TTC7A: variants seen among roughly 807,000 people sequenced by gnomAD.
TTC7A encodes the protein tetratricopeptide repeat domain 7A, also known as tetratricopeptide repeat protein 7A.
A neutral mutation model predicts 103.7 loss-of-function variants in TTC7A; 110 were observed. That is an observed-to-expected ratio of 1.06 (90% CI 0.91 to 1.24). TTC7A has a LOEUF of 1.24. Among genes scored for constraint, TTC7A ranks in the 50% most tolerant of loss-of-function variants. TTC7A has a pLI of 0.00. For synonymous variants in TTC7A, 521 were observed against 467.9 expected (o/e 1.11, Z -1.47); for missense variants, 1,340 against 1,116.3 (o/e 1.20, Z -2.86).
At chr2:46,950,649 C>G in intron 2 of TTC7A, 123 bp downstream of exon 2, 1 of 1,054,778 alleles carries the variant, frequency 9.5e-7, no homozygotes, top group Non-Finnish European at 1.3e-6. Flanking sequence ...GCTGCCCTTG[C>G]ACTTACAGTA....
chr2:47,070,651 CAG>C (rs1008531603), intron 19 of TTC7A, among the ~76,000 whole-genome samples: 13 of 152,180 alleles, frequency 8.5e-5, no homozygotes, highest in African/African-American at 2.9e-4. Flanking sequence ...CCTGGGAGAG[CAG>C]AGTCTCGAGC....
At chr2:46,931,685 C>T (rs982105434) in intron 2 of TTC7A, among the ~76,000 whole-genome samples, 1 of 122,986 alleles carries the variant, frequency 8.1e-6, no homozygotes, top group Non-Finnish European at 1.6e-5. Context: ...AAAACAAAAA[C>T]AGACAATAAT....
intron 15 of TTC7A, chr2:47,034,166 G>A (rs539535358): frequency 5.9e-5 from 9 of 152,326 alleles, no homozygotes; most frequent in African/African-American, 1.9e-4. Flanking sequence ...AACCTCGCAC[G>A]GTGGGAACCA....
At position 47,051,787 on chromosome 2, in the gene TTC7A, G is replaced by T; in HGVS notation, c.2059G>T (p.Glu687Ter). The T allele has an allele frequency of 1.2e-6, 2 of 1,611,438 alleles. No homozygotes were observed. Among genetic ancestry groups the T allele is most frequent in the Non-Finnish European group, 1.7e-6 (2 of 1,179,612 alleles). The change falls in exon 18 of 20, where the codon GAG becomes TAG. Residue 687 changes from glutamate (E) to a stop codon, truncating the protein, a stop_gained. Transcript: ENST00000319190. LOFTEE classifies it high-confidence loss of function. ...ASSIAASRLE[E>*]AMSELTMPSS... ...GTCCATCGCCGCCTCCCGGCTGGAG[G>T]AGGCCATGTCAGAGCTGACTATGCC...
intron 18 of TTC7A, among the ~76,000 whole-genome samples, chr2:47,060,133 C>G (rs1683645118): frequency 6.6e-6 from 1 of 152,000 alleles, no homozygotes; most frequent in African/African-American, 2.4e-5. Context: ...CGCTTGTAAT[C>G]CTAGCATTTT....
intron 18 of TTC7A, among the ~76,000 whole-genome samples, chr2:47,053,547 G>GT (rs1553410727): frequency 0.087 from 6,306 of 72,120 alleles, 156 homozygotes; most frequent in African/African-American, 0.2. Flanking sequence ...TGTTTGTTTG[G>GT]TTGGTTGGTT....
chr2:46,934,787 C>CTTTTCTTTT (rs1669883537), intron 2 of TTC7A, among the ~76,000 whole-genome samples: 1 of 66,888 alleles, frequency 1.5e-5, no homozygotes, highest in African/African-American at 6.5e-5. Flanking sequence ...GACTACTGCT[C>CTTTTCTTTT]TTTTTTTTTT....
chr2:47,044,323 C>G (rs556892336), intron 15 of TTC7A, among the ~76,000 whole-genome samples: 1 of 152,332 alleles, frequency 6.6e-6, no homozygotes, highest in African/African-American at 2.4e-5. Flanking sequence ...ATTGTTGTCT[C>G]GAAGGCAGCC....
intron 2 of TTC7A, among the ~76,000 whole-genome samples, chr2:46,930,744 C>G (rs981634972): frequency 6.6e-6 from 1 of 152,104 alleles, no homozygotes; most frequent in African/African-American, 2.4e-5. Context: ...AGGTGATCCA[C>G]CCGCCTCAGC....
At chr2:47,000,014 T>G (rs927509438) in intron 8 of TTC7A, 22 of 580,050 alleles carry the variant, frequency 3.8e-5, no homozygotes, top group East Asian at 1.5e-4. Context: ...TGGTTGAGCT[T>G]CTTACCACCC....
At chr2:47,047,163 C>A in intron 16 of TTC7A, 1 of 687,496 alleles carries the variant, frequency 1.5e-6, no homozygotes, top group East Asian at 2.7e-5. Context: ...GTCAGGAGCC[C>A]TGCCTCTTCC....
chr2:46,999,046 C>T (rs1378942675), intron 8 of TTC7A, among the ~76,000 whole-genome samples: 1 of 152,154 alleles, frequency 6.6e-6, no homozygotes, highest in African/African-American at 2.4e-5. Context: ...CGATCACCGA[C>T]CCACTTTACC....
intron 15 of TTC7A, among the ~76,000 whole-genome samples, chr2:47,036,721 G>A (rs977572154): frequency 1.3e-5 from 2 of 152,204 alleles, no homozygotes; most frequent in African/African-American, 2.4e-5. Flanking sequence ...AACCAGGCGT[G>A]GTGGCACACA....
chr2:46,958,605 C>G (rs1672103387), intron 3 of TTC7A: 1 of 1,233,606 alleles, frequency 8.1e-7, no homozygotes, highest in Non-Finnish European at 1.1e-6. Flanking sequence ...GCTGTGCTAG[C>G]TCCCGTTCCC....
chr2:47,017,168 C>G (rs966295574), intron 11 of TTC7A, among the ~76,000 whole-genome samples: 1 of 144,182 alleles, frequency 6.9e-6, no homozygotes, highest in Non-Finnish European at 1.5e-5. Context: ...CCACTGCACT[C>G]CAGCCTGGGC....
At chr2:47,056,928 G>A (rs558823887) in intron 18 of TTC7A, among the ~76,000 whole-genome samples, 173 of 152,296 alleles carry the variant, frequency 1.1e-3, no homozygotes, top group African/African-American at 3.8e-3. Context: ...ATCCAGCCCC[G>A]TGTGCTGGAT....
intron 2 of TTC7A, among the ~76,000 whole-genome samples, chr2:46,919,660 C>T (rs529640889): frequency 6.6e-5 from 10 of 152,348 alleles, no homozygotes; most frequent in African/African-American, 1.9e-4. Flanking sequence ...ACAACAGTCT[C>T]TTGCTGTTGG....
intron 6 of TTC7A, among the ~76,000 whole-genome samples, chr2:46,993,776 C>T (rs923740828): frequency 9.9e-5 from 15 of 152,166 alleles, no homozygotes; most frequent in Non-Finnish European, 1.2e-4. Context: ...CAGCGCTTCC[C>T]TGGGCAAACT....
rs190723531 is a variant in TTC7A at position 46,974,709 on chromosome 2, G to A, written c.518-264G>A. 4.5e-3 allele frequency: 2,550 copies of A among 571,370 alleles called. 8 individuals carry two copies. Among genetic ancestry groups the A allele is most frequent in the Non-Finnish European group, 6.4e-3 (1,942 of 302,706 alleles). The allele number at this position is 571,370 out of a possible 1,614,324, so 35.4% of individuals were successfully genotyped here. On this transcript the variant is annotated intron_variant, in intron 3 of 19. Transcript: ENST00000319190. ...AAAAATGGGGATACTGCGTTACAGA[G>A]GAGGGGTCAGGAGTGGCTTCCCCGG...
Sources: allele counts gnomAD v4.1 joint callset (sites outside exome capture counted in the v4.1 genomes callset), GRCh38; gene constraint gnomAD v4.1.1; transcripts MANE v1.5; gene names NCBI Gene and HGNC (gene_info 2026-07-23, HGNC 2026-07-21).